Variants in NLGN1 observed in about 807,000 individuals in gnomAD.
NLGN1 encodes neuroligin 1.
A neutral mutation model predicts 65.5 loss-of-function variants in NLGN1; 12 were observed. That is an observed-to-expected ratio of 0.18 (90% confidence interval 0.12 to 0.30). The LOEUF (loss-of-function observed/expected upper bound fraction) is 0.30. NLGN1 is among the 10% of genes least tolerant of loss of function. NLGN1 has a pLI of 1.00. For missense variants in NLGN1, 750 were observed against 1,007.1 expected (o/e 0.74, Z 3.46); for synonymous variants, 350 against 359.5 (o/e 0.97, Z 0.30).
rs190987995 is a variant in NLGN1 at position 174,239,620 on chromosome 3, G to A, written c.647-35695G>A. Among the ~76,000 whole-genome samples, 346 of 152,008 alleles carry A rather than the reference G, an allele frequency of 2.3e-3. 2 individuals carry two copies. Among genetic ancestry groups the A allele is most frequent in the Non-Finnish European group, 3.8e-3 (256 of 67,962 alleles). ...CTTTTGTATTAATTTTTTAAATCCTGGATAAAACAATAGTTATTATTTCTT... is the reference window on the plus strand; with the variant it reads ...CTTTTGTATTAATTTTTTAAATCCTAGATAAAACAATAGTTATTATTTCTT... On this transcript the variant is annotated intron_variant, in intron 4 of 6. Transcript: ENST00000457714.
intron 3 of NLGN1, among the ~76,000 whole-genome samples, chr3:173,790,961 C>T (rs1028575219): frequency 6.6e-6 from 1 of 152,098 alleles, no homozygotes; most frequent in East Asian, 1.9e-4. Flanking sequence ...ATGACACAGA[C>T]AAATTATCAA....
At chr3:174,034,329 T>A (rs79444149) in intron 4 of NLGN1, among the ~76,000 whole-genome samples, 2 of 148,846 alleles carry the variant, frequency 1.3e-5, no homozygotes, top group South Asian at 2.1e-4. Context: ...TAAAAAAAAA[T>A]TTTAGGCAGG....
intron 4 of NLGN1, among the ~76,000 whole-genome samples, chr3:173,926,899 T>C (rs1333195500): frequency 6.6e-6 from 1 of 152,326 alleles, no homozygotes; most frequent in East Asian, 1.9e-4. Flanking sequence ...ACTGCTTTAT[T>C]GCCTGTAATG....
chr3:173,564,139 G>A (rs1461092603), intron 2 of NLGN1, among the ~76,000 whole-genome samples: 2 of 152,172 alleles, frequency 1.3e-5, no homozygotes, highest in African/African-American at 4.8e-5. Flanking sequence ...CTGCCATAGG[G>A]CCTCTGCACT....
chr3:173,679,301 G>T (rs16829358), intron 3 of NLGN1, among the ~76,000 whole-genome samples: 9 of 151,884 alleles, frequency 5.9e-5, no homozygotes, highest in African/African-American at 2.2e-4. Flanking sequence ...CAGAAAATGC[G>T]CAGTTCAAGA....
intron 2 of NLGN1, among the ~76,000 whole-genome samples, chr3:173,557,580 A>G (rs970761225): frequency 6.6e-5 from 10 of 151,910 alleles, no homozygotes; most frequent in African/African-American, 2.2e-4. Flanking sequence ...TATATCTTCT[A>G]TTAACTTTTT....
rs1320320846 is a variant in NLGN1 at position 173,784,787 on chromosome 3, CA to C, written c.494-22891del. On this transcript the variant is annotated intron_variant, in intron 3 of 6. Coordinates refer to ENST00000457714, the Ensembl canonical transcript of NLGN1. ...ATAAATGAAGATTTGTAAATATATA[CA>C]ACAGATAGAAAACATTTTAGAAGCA... Among the ~76,000 whole-genome samples the C allele has an allele frequency of 5.3e-5, 8 of 152,196 alleles. No homozygotes were observed. The South Asian group carries it at 1.0e-3, about 20-fold the overall frequency.
intron 4 of NLGN1, among the ~76,000 whole-genome samples, chr3:173,886,263 T>A (rs1035417537): frequency 2.0e-5 from 3 of 152,046 alleles, no homozygotes; most frequent in African/African-American, 7.2e-5. Flanking sequence ...AGTAAGTACT[T>A]CAAAATTATA....
rs143770402 is a variant in NLGN1 at position 173,426,836 on chromosome 3, T to C, written c.-389-8174T>C. On this transcript the variant is annotated intron_variant, in intron 1 of 6. Coordinates refer to ENST00000457714, the Ensembl canonical transcript of NLGN1. ...TTTTGGTTTCAGGGTAATGTTGAAC[T>C]CATAGAATGAGTTTGAAAGAGTTCT... 2.0e-5 allele frequency among the ~76,000 whole-genome samples: 3 copies of C among 152,230 alleles called. No individual in the cohort carries two copies. In the East Asian group the frequency reaches 5.8e-4, roughly 29 times the overall value.
chr3:174,153,512 A>T (rs904991225), intron 4 of NLGN1, among the ~76,000 whole-genome samples: 4 of 152,162 alleles, frequency 2.6e-5, no homozygotes, highest in Admixed American at 2.0e-4. Flanking sequence ...TTCTAACATC[A>T]ACCCTACAAC....
chr3:173,563,383 T>C (rs1559973304), intron 2 of NLGN1, among the ~76,000 whole-genome samples: 2 of 152,174 alleles, frequency 1.3e-5, no homozygotes, highest in Admixed American at 6.5e-5. Context: ...CAAACCAATA[T>C]ATCTGTTGAA....
At chr3:174,085,555 A>C (rs1743069411) in intron 4 of NLGN1, among the ~76,000 whole-genome samples, 1 of 152,014 alleles carries the variant, frequency 6.6e-6, no homozygotes, top group South Asian at 2.1e-4. Flanking sequence ...GCACTTTTCA[A>C]ATTAGACCTT....
At chr3:173,902,252 T>C (rs1737517542) in intron 4 of NLGN1, among the ~76,000 whole-genome samples, 1 of 152,068 alleles carries the variant, frequency 6.6e-6, no homozygotes, top group Non-Finnish European at 1.5e-5. Context: ...TAAAAGGAGG[T>C]GAGTTCACTT....
chr3:173,919,618 G>C (rs1741532172), intron 4 of NLGN1, among the ~76,000 whole-genome samples: 1 of 152,148 alleles, frequency 6.6e-6, no homozygotes, highest in African/African-American at 2.4e-5. Flanking sequence ...ACTAGGTCAT[G>C]CTCTGTCTAT....
At chr3:173,508,945 G>T (rs1196247840) in intron 2 of NLGN1, among the ~76,000 whole-genome samples, 2 of 152,082 alleles carry the variant, frequency 1.3e-5, no homozygotes, top group East Asian at 1.9e-4. Context: ...TTTGTATCAG[G>T]TGTCTTCTCA....
intron 3 of NLGN1, among the ~76,000 whole-genome samples, chr3:173,777,699 T>C (rs1264045365): frequency 6.6e-6 from 1 of 151,734 alleles, no homozygotes; most frequent in African/African-American, 2.4e-5. Context: ...TAGAAATCCA[T>C]TCATCCCTTG....
At chr3:174,232,158 T>C (rs1346279414) in intron 4 of NLGN1, among the ~76,000 whole-genome samples, 2 of 152,058 alleles carry the variant, frequency 1.3e-5, no homozygotes. Flanking sequence ...TGGGGCCGTT[T>C]TATAGGATTT....
In NLGN1 at chr3:174,209,545, T is replaced by C. The variant is rs534420237; in HGVS notation, c.647-65770T>C. 4.6e-5 allele frequency among the ~76,000 whole-genome samples: 7 copies of C among 152,104 alleles called. No individual in the cohort carries two copies. In the South Asian group the frequency reaches 1.5e-3, roughly 32 times the overall value. On this transcript the variant is annotated intron_variant, in intron 4 of 6. Coordinates refer to ENST00000457714, the Ensembl canonical transcript of NLGN1. ...ATGTATTTATTGGAGTAGACTTATA[T>C]TGTCACTTGAGAAAAGATGCTGTTC... is the stretch of plus-strand genomic sequence containing the variant.
At chr3:173,621,208 G>T (rs1372964766) in intron 3 of NLGN1, among the ~76,000 whole-genome samples, 1 of 152,112 alleles carries the variant, frequency 6.6e-6, no homozygotes, top group African/African-American at 2.4e-5. Flanking sequence ...AGGAAGAAAT[G>T]TTATAGCTCT....
Sources: allele counts gnomAD v4.1 joint callset (sites outside exome capture counted in the v4.1 genomes callset), GRCh38; gene constraint gnomAD v4.1.1; transcripts MANE v1.5; gene names NCBI Gene and HGNC (gene_info 2026-07-23, HGNC 2026-07-21).